Variants in YPEL1 observed in about 807,000 individuals in gnomAD.
YPEL1 encodes the protein yippee like 1, also known as protein yippee-like 1.
A neutral mutation model predicts 17.3 loss-of-function variants in YPEL1; 7 were observed. The ratio of observed to expected loss-of-function variants is 0.40; its 90% CI spans 0.23 to 0.76. The LOEUF (loss-of-function observed/expected upper bound fraction) is 0.76, where lower values mean the gene tolerates loss of function less well. Ranked by LOEUF, YPEL1 falls within the 30% of genes least tolerant of loss-of-function variation. The pLI, the probability that YPEL1 is intolerant of heterozygous loss-of-function variation, is 0.35. For synonymous variants in YPEL1, 59 were observed against 59.6 expected (o/e 0.99, Z 0.05); for missense variants, 91 against 155.5 (o/e 0.59, Z 2.21).
At chr22:21,716,118 AG>A (rs939504030) in intron 1 of YPEL1, among the ~76,000 whole-genome samples, 1 of 152,154 alleles carries the variant, frequency 6.6e-6, no homozygotes, top group Non-Finnish European at 1.5e-5. Flanking sequence ...CATGTTGTCC[AG>A]GCTGGTCTCA....
chr22:21,702,720 A>C (rs1200590264), intron 4 of YPEL1, among the ~76,000 whole-genome samples: 2 of 151,946 alleles, frequency 1.3e-5, no homozygotes, highest in Non-Finnish European at 2.9e-5. Context: ...GGCCTGGGGG[A>C]GGGGAGGACT....
chr22:21,703,791 C>T lies in YPEL1; in HGVS notation c.161+48G>A, dbSNP rs371007739. 9 of 1,595,306 alleles carry T rather than the reference C, an allele frequency of 5.6e-6. No homozygotes were observed. The highest frequency in any genetic ancestry group is 6.8e-6 in the Non-Finnish European group (8 of 1,170,156). ...GGCACTGTGTAGGTGCCATCCAGGC[C>T]GTCCCAGGGCCCGTGCCGCTCCCCC... On this transcript the variant is annotated intron_variant, in intron 3 of 4. Transcript: ENST00000339468. The surrounding 1 kb of genome is among the most constrained non-coding windows in gnomAD (Gnocchi z 6.1).
intron 2 of YPEL1, among the ~76,000 whole-genome samples, chr22:21,709,406 A>G (rs548427133): frequency 6.6e-6 from 1 of 152,316 alleles, no homozygotes; most frequent in South Asian, 2.1e-4. Flanking sequence ...GATGAACAGA[A>G]ATGAGGAGCC....
At chr22:21,728,400 C>T (rs1011093221) in intron 1 of YPEL1, among the ~76,000 whole-genome samples, 5 of 152,198 alleles carry the variant, frequency 3.3e-5, no homozygotes, top group African/African-American at 1.2e-4. Flanking sequence ...TGGAAAAGGA[C>T]GTGCAGCGGC....
At chr22:21,717,587 A>G (rs1341929084) in intron 1 of YPEL1, among the ~76,000 whole-genome samples, 1 of 152,164 alleles carries the variant, frequency 6.6e-6, no homozygotes, top group Non-Finnish European at 1.5e-5. Flanking sequence ...AAAAAGCCCA[A>G]CAGTCCTAAA....
intron 1 of YPEL1, among the ~76,000 whole-genome samples, chr22:21,729,201 C>T (rs1490807664): frequency 6.6e-6 from 1 of 151,674 alleles, no homozygotes; most frequent in Non-Finnish European, 1.5e-5. Context: ...GTGCCAGCTA[C>T]TTGGAAGGCT....
rs964329610 is a variant in YPEL1 at position 21,704,269 on chromosome 22, C to A, written c.118-387G>T. ...CCACAGATCCTCAAAATGCTCTCCTCGCCGCCTCTTCTGCAGCAGTTCAGA... is the reference window on the plus strand; with the variant it reads ...CCACAGATCCTCAAAATGCTCTCCTAGCCGCCTCTTCTGCAGCAGTTCAGA... On this transcript the variant is annotated intron_variant, in intron 2 of 4. Transcript: ENST00000339468. 14 of 697,258 alleles carry A rather than the reference C, an allele frequency of 2.0e-5. No individual in the cohort carries two copies. In the Admixed American group the frequency reaches 2.0e-4, roughly 10 times the overall value. The allele number at this position is 697,258 out of a possible 1,614,324, so 43.2% of individuals were successfully genotyped here. A position where few individuals can be genotyped will look rare whatever the true frequency, so the allele number is the denominator to read the frequency against.
intron 1 of YPEL1, among the ~76,000 whole-genome samples, chr22:21,733,844 A>G (rs1453965674): frequency 1.3e-5 from 2 of 152,360 alleles, no homozygotes; most frequent in East Asian, 3.9e-4. Flanking sequence ...CCCTTGACAC[A>G]GGTGCTGGTG....
chr22:21,702,823 G>A (rs2068078759), intron 4 of YPEL1, among the ~76,000 whole-genome samples: 1 of 152,214 alleles, frequency 6.6e-6, no homozygotes, highest in South Asian at 2.1e-4. Context: ...AGGGCCTGAG[G>A]AGGCCAGATC....
chr22:21,701,240 G>C (rs745487464), intron 4 of YPEL1, 22 bp from the exon 5 acceptor site: 25 of 1,591,140 alleles, frequency 1.6e-5, no homozygotes, highest in Non-Finnish European at 2.1e-5. Flanking sequence ...AGAGACAAAG[G>C]TTTCAGGACA....
At chr22:21,705,254 C>T (rs145955207) in intron 2 of YPEL1, among the ~76,000 whole-genome samples, 5 of 152,316 alleles carry the variant, frequency 3.3e-5, no homozygotes, top group Non-Finnish European at 5.9e-5. Flanking sequence ...GACGGGATTG[C>T]AGGCGTGAGC....
intron 1 of YPEL1, among the ~76,000 whole-genome samples, chr22:21,717,386 A>C (rs1009927502): frequency 9.4e-5 from 14 of 149,400 alleles, no homozygotes; most frequent in African/African-American, 2.3e-4. Context: ...CAAAAAAAAA[A>C]AAAAAACAAA....
At position 21,717,626 on chromosome 22, in the gene YPEL1, T is replaced by C. The variant is rs375485692; in HGVS notation, c.-164-6718A>G. ...GGATAAATAAAAATAAAGCCACAGC[T>C]AGACAAATAATGAAACTGCAAAACA... On this transcript the variant is annotated intron_variant, in intron 1 of 4. Coordinates refer to ENST00000339468, the MANE Select transcript of YPEL1 (RefSeq NM_013313.5). Among the ~76,000 whole-genome samples the C allele has an allele frequency of 6.3e-4, 95 of 151,962 alleles. 1 individual carries two copies. Among genetic ancestry groups the C allele is most frequent in the African/African-American group, 2.1e-3 (88 of 41,434 alleles).
intron 1 of YPEL1, among the ~76,000 whole-genome samples, chr22:21,716,940 T>A (rs1052972123): frequency 2.0e-5 from 3 of 151,834 alleles, no homozygotes; most frequent in Non-Finnish European, 2.9e-5. Flanking sequence ...AGAAAAAAAA[T>A]GACCTTGCAG....
Position 21,703,004 on chromosome 22 carries a change from T to A in YPEL1, c.270+366A>T, listed in dbSNP as rs1269131353. 6.6e-6 allele frequency among the ~76,000 whole-genome samples: 1 copy of A among 152,170 alleles called. No homozygotes were observed. Among genetic ancestry groups the A allele is most frequent in the Non-Finnish European group, 1.5e-5 (1 of 68,028 alleles). On this transcript the variant is annotated intron_variant, in intron 4 of 4. Coordinates refer to ENST00000339468, the MANE Select transcript of YPEL1 (RefSeq NM_013313.5). The surrounding 1 kb of genome is among the most constrained non-coding windows in gnomAD (Gnocchi z 6.1). ...CTGGCGCTGAGGTCTTCTAGACTTG[T>A]CCCTGACAGTGGGCACAGCCTCCCG...
At chr22:21,723,772 T>A (rs189522285) in intron 1 of YPEL1, among the ~76,000 whole-genome samples, 7 of 151,830 alleles carry the variant, frequency 4.6e-5, no homozygotes, top group African/African-American at 1.7e-4. Context: ...TTCAAACGAT[T>A]CTCCTGCCTA....
intron 1 of YPEL1, among the ~76,000 whole-genome samples, chr22:21,724,169 C>T (rs1473611322): frequency 6.6e-6 from 1 of 152,212 alleles, no homozygotes; most frequent in Non-Finnish European, 1.5e-5. Context: ...GAACATTCCA[C>T]AGGCACAGGC....
At position 21,715,474 on chromosome 22, in the gene YPEL1, C is replaced by T. The variant is rs1032387932; in HGVS notation, c.-164-4566G>A. 4.6e-5 allele frequency among the ~76,000 whole-genome samples: 7 copies of T among 151,874 alleles called. No individual in the cohort carries two copies. In the South Asian group the frequency reaches 1.5e-3, roughly 32 times the overall value. On this transcript the variant is annotated intron_variant, in intron 1 of 4. Transcript: ENST00000339468. The stretch of plus-strand genomic sequence containing the variant: ...GCACCACTGCACTCCAGCCTGGAGA[C>T]AGAGTGAGACTCCATCTCAAGAAAA...
At chr22:21,716,205 A>C (rs373505793) in intron 1 of YPEL1, among the ~76,000 whole-genome samples, 5 of 151,686 alleles carry the variant, frequency 3.3e-5, no homozygotes, top group African/African-American at 1.2e-4. Context: ...CACCGCGCCC[A>C]GACTAAAAGT....
Sources: allele counts gnomAD v4.1 joint callset (sites outside exome capture counted in the v4.1 genomes callset), GRCh38; gene constraint gnomAD v4.1.1; non-coding constraint Gnocchi (gnomAD v3.1); transcripts MANE v1.5; gene names NCBI Gene and HGNC (gene_info 2026-07-23, HGNC 2026-07-21).